CSMD1: variants seen among roughly 807,000 people sequenced by gnomAD.
CSMD1 encodes CUB and Sushi multiple domains 1.
CSMD1 carries 213 observed loss-of-function variants against 417.5 expected under a neutral mutation model. The ratio of observed to expected loss-of-function variants is 0.51; its 90% CI spans 0.46 to 0.57. CSMD1 has a LOEUF of 0.57. Ranked by LOEUF, CSMD1 falls within the 20% of genes least tolerant of loss-of-function variation. CSMD1 has a pLI of 0.00. For missense variants in CSMD1, 6,923 were observed against 4,529.7 expected (o/e 1.53, Z -15.17); for synonymous variants, 2,862 against 1,736.8 (o/e 1.65, Z -16.11).
chr8:4,814,734 T>G (rs559772759), intron 1 of CSMD1, among the ~76,000 whole-genome samples: 1 of 152,258 alleles, frequency 6.6e-6, no homozygotes, highest in African/African-American at 2.4e-5. Flanking sequence ...TTTCCAGTAT[T>G]TTTGTCCTAA....
Position 3,024,248 on chromosome 8 carries a change from T to C in CSMD1, c.7855+5071A>G, listed in dbSNP as rs547915320. Among the ~76,000 whole-genome samples, 80 of 148,048 alleles carry C rather than the reference T, an allele frequency of 5.4e-4. 1 individual carries two copies. The highest frequency in any genetic ancestry group is 2.0e-3 in the African/African-American group (77 of 38,000). On this transcript the variant is annotated intron_variant, in intron 51 of 69. Transcript: ENST00000635120. ...AAAAATGAATTAATGTGTTTATTGA[T>C]TTTTTTCTTGTAGATCCCAGATAAT...
chr8:3,268,233 C>A (rs1160610476), intron 26 of CSMD1, among the ~76,000 whole-genome samples: 1 of 141,474 alleles, frequency 7.1e-6, no homozygotes, highest in Non-Finnish European at 1.6e-5. Flanking sequence ...ATCATGCACA[C>A]AATGAGGCCA....
At chr8:4,233,980 G>A (rs944058133) in intron 3 of CSMD1, among the ~76,000 whole-genome samples, 1 of 151,886 alleles carries the variant, frequency 6.6e-6, no homozygotes, top group Non-Finnish European at 1.5e-5. Flanking sequence ...GCGGGGGGTG[G>A]GGGAACATGT....
chr8:4,955,639 A>G (rs182355955), intron 1 of CSMD1, among the ~76,000 whole-genome samples: 2 of 152,200 alleles, frequency 1.3e-5, no homozygotes, highest in East Asian at 1.9e-4. Flanking sequence ...TATTTTTAAT[A>G]GAGACGGGCT....
intron 5 of CSMD1, among the ~76,000 whole-genome samples, chr8:3,764,005 G>A (rs773701391): frequency 6.6e-6 from 1 of 152,134 alleles, no homozygotes; most frequent in South Asian, 2.1e-4. Context: ...TTGTCATGAA[G>A]CTCCTCAGCA....
chr8:4,251,470 T>C (rs914515891), intron 3 of CSMD1, among the ~76,000 whole-genome samples: 1 of 152,246 alleles, frequency 6.6e-6, no homozygotes, highest in East Asian at 1.9e-4. Context: ...CCATGCAGTG[T>C]TGTAGGAGCA....
intron 7 of CSMD1, among the ~76,000 whole-genome samples, chr8:3,640,140 C>A (rs142960240): frequency 6.6e-6 from 1 of 152,154 alleles, no homozygotes; most frequent in Non-Finnish European, 1.5e-5. Context: ...CTTTTTCTTG[C>A]GTAAGACTTC....
rs1810576525 is a variant in CSMD1 at position 4,741,128 on chromosome 8, A to T, written c.86-103570T>A. Reference sequence around the variant, plus strand: ...TCCATCCTAGTATCTCCTCTTTTCCAGAGCAAATGTGTACACCCTTCTTTT... The same window carrying T: ...TCCATCCTAGTATCTCCTCTTTTCCTGAGCAAATGTGTACACCCTTCTTTT... On this transcript the variant is annotated intron_variant, in intron 1 of 69. Coordinates refer to ENST00000635120, the MANE Select transcript of CSMD1 (RefSeq NM_033225.6). 2.6e-5 allele frequency among the ~76,000 whole-genome samples: 4 copies of T among 152,302 alleles called. No homozygotes were observed. In the South Asian group the frequency reaches 6.2e-4, roughly 24 times the overall value.
rs1459780710 is a variant in CSMD1, at chr8:3,998,067, G to T, written c.654C>A (p.Ser218=). The T allele has an allele frequency of 6.3e-7, 1 of 1,592,082 alleles. No individual in the cohort carries two copies. Residue 218 remains serine, a synonymous_variant, in exon 5 of 70, where the codon TCC becomes TCA. Transcript: ENST00000635120. ...CTGAAGGGAAGTGCGGGCTGGAGAT[G>T]GAGCTGCTGGTCCCGCGTAAGGTTC... ...CGGTLRGTSS[S]ISSPHFPSEY... is the part of the protein sequence containing the mutation.
At chr8:4,808,648 C>A (rs1032048979) in intron 1 of CSMD1, among the ~76,000 whole-genome samples, 2 of 152,174 alleles carry the variant, frequency 1.3e-5, no homozygotes, top group Non-Finnish European at 2.9e-5. Context: ...TACCAACAGC[C>A]TTTGGACAAT....
chr8:3,562,696 G>T (rs966835951), intron 10 of CSMD1, among the ~76,000 whole-genome samples: 1 of 150,806 alleles, frequency 6.6e-6, no homozygotes, highest in African/African-American at 2.4e-5. Context: ...AGTTAATAAT[G>T]AAAAAAAATC....
chr8:3,747,459 G>C (rs921984993), intron 6 of CSMD1, among the ~76,000 whole-genome samples: 3 of 151,574 alleles, frequency 2.0e-5, no homozygotes, highest in Non-Finnish European at 2.9e-5. Context: ...ACATAGCTTT[G>C]CAAATTCCTG....
chr8:4,812,105 G>C (rs1007997455), intron 1 of CSMD1, among the ~76,000 whole-genome samples: 3 of 152,142 alleles, frequency 2.0e-5, no homozygotes, highest in Admixed American at 6.6e-5. Context: ...CAGCTGGACA[G>C]GAGTCTCAGG....
At chr8:2,945,998 G>A (rs979314169) in intron 68 of CSMD1, among the ~76,000 whole-genome samples, 4 of 152,126 alleles carry the variant, frequency 2.6e-5, no homozygotes, top group Non-Finnish European at 4.4e-5. Flanking sequence ...GCTTCGTGAG[G>A]CAATTTTGCG....
chr8:4,783,024 A>G (rs1202233632), intron 1 of CSMD1, among the ~76,000 whole-genome samples: 1 of 152,138 alleles, frequency 6.6e-6, no homozygotes, highest in Non-Finnish European at 1.5e-5. Flanking sequence ...ATGTCTGGAA[A>G]TGGTAGCATT....
At chr8:3,676,263 G>T (rs1799369923) in intron 7 of CSMD1, among the ~76,000 whole-genome samples, 2 of 152,022 alleles carry the variant, frequency 1.3e-5, no homozygotes, top group South Asian at 4.1e-4. Context: ...TTGATCCCTG[G>T]CCCTAAGTAT....
chr8:4,682,175 C>CA (rs1373110462), intron 1 of CSMD1, among the ~76,000 whole-genome samples: 9 of 152,020 alleles, frequency 5.9e-5, no homozygotes, highest in Non-Finnish European at 1.3e-4. Context: ...TACAGGCACA[C>CA]ACCACCATGC....
chr8:2,970,401 G>A (rs1266530564), intron 57 of CSMD1, among the ~76,000 whole-genome samples: 1 of 152,172 alleles, frequency 6.6e-6, no homozygotes, highest in Non-Finnish European at 1.5e-5. Context: ...GAGTGTCAGA[G>A]TCTCTGCTCT....
intron 1 of CSMD1, among the ~76,000 whole-genome samples, chr8:4,985,221 G>A (rs772546552): frequency 6.6e-6 from 1 of 152,138 alleles, no homozygotes; most frequent in African/African-American, 2.4e-5. Flanking sequence ...AGGGTGGTGG[G>A]TGGGAGGAGG....
Sources: gnomAD v4.1 joint callset for allele counts (sites outside exome capture counted in the v4.1 genomes callset) on GRCh38, gnomAD v4.1.1 for gene constraint, MANE v1.5 for transcripts, NCBI Gene and HGNC (gene_info 2026-07-23, HGNC 2026-07-21) for gene names.